Variants in CUL4A observed in about 807,000 individuals in gnomAD.
The protein encoded by CUL4A is cullin-4A.
In CUL4A, 16 loss-of-function variants were observed where a neutral mutation model predicts 95.5. That is an observed-to-expected ratio of 0.17 (90% CI 0.11 to 0.25). The LOEUF (loss-of-function observed/expected upper bound fraction) is 0.25. Among genes scored for constraint, CUL4A ranks in the 10% least tolerant of loss-of-function variants. CUL4A has a pLI of 1.00. For missense variants in CUL4A, 610 were observed against 937.0 expected (o/e 0.65, Z 4.56); for synonymous variants, 380 against 353.1 (o/e 1.08, Z -0.85).
chr13:113,259,936 T>A (rs1478760135), intron 18 of CUL4A, among the ~76,000 whole-genome samples: 1 of 151,918 alleles, frequency 6.6e-6, no homozygotes, highest in East Asian at 1.9e-4. Flanking sequence ...CCAGGCACGG[T>A]GGCTCACGCC....
intron 5 of CUL4A, among the ~76,000 whole-genome samples, chr13:113,230,619 T>A (rs1481589319): frequency 6.6e-6 from 1 of 152,196 alleles, no homozygotes; most frequent in African/African-American, 2.4e-5. Flanking sequence ...CAAGGGACTG[T>A]TTCCTACTAA....
At chr13:113,209,120 G>C (rs1209640714), upstream of CUL4A, among the ~76,000 whole-genome samples, 1 of 150,890 alleles carries the variant, frequency 6.6e-6, no homozygotes, top group Non-Finnish European at 1.5e-5. Context: ...GCCTGCAGGA[G>C]TTAGGGCACG....
chr13:113,255,827 A>G (rs1254321799), intron 18 of CUL4A, among the ~76,000 whole-genome samples: 1 of 152,124 alleles, frequency 6.6e-6, no homozygotes, highest in East Asian at 1.9e-4. Context: ...GTTGTTTCCA[A>G]GTTTTGGTGA....
At chr13:113,237,338 G>A (rs1369406784) in intron 9 of CUL4A, among the ~76,000 whole-genome samples, 2 of 152,198 alleles carry the variant, frequency 1.3e-5, no homozygotes, top group African/African-American at 2.4e-5. Flanking sequence ...ATGAACTACC[G>A]ACTAGGTGGT....
upstream of CUL4A, chr13:113,208,731 C>G: frequency 1.3e-6 from 2 of 1,490,636 alleles, no homozygotes; most frequent in Non-Finnish European, 1.8e-6. Flanking sequence ...CTGGCGCCCC[C>G]GGCCCCGCCG....
At chr13:113,229,572 G>C in intron 5 of CUL4A, 53 bp downstream of exon 5, 1 of 1,449,434 alleles carries the variant, frequency 6.9e-7, no homozygotes, top group South Asian at 1.2e-5. Flanking sequence ...GATGCTTTTC[G>C]TCCCGTTTGT....
At chr13:113,253,585 A>AT (rs1274840541) in intron 16 of CUL4A, among the ~76,000 whole-genome samples, 1 of 152,230 alleles carries the variant, frequency 6.6e-6, no homozygotes, top group African/African-American at 2.4e-5. Context: ...ATTAAAAAAA[A>AT]CAGACTCTTG....
At chr13:113,212,804 T>C (rs2040499308) in intron 2 of CUL4A, among the ~76,000 whole-genome samples, 1 of 152,020 alleles carries the variant, frequency 6.6e-6, no homozygotes, top group Non-Finnish European at 1.5e-5. Context: ...CAAAGAAAAG[T>C]CTAGAGTCAG....
intron 13 of CUL4A, 41 bp from the exon 14 acceptor site, chr13:113,245,111 G>A (rs771251859): frequency 1.4e-5 from 23 of 1,610,834 alleles, no homozygotes; most frequent in Admixed American, 6.7e-5. Flanking sequence ...TTGCTGCCCC[G>A]TGTGTTACCC....
At chr13:113,234,692 C>A (rs1312699034) in intron 7 of CUL4A, among the ~76,000 whole-genome samples, 2 of 152,156 alleles carry the variant, frequency 1.3e-5, no homozygotes, top group Non-Finnish European at 2.9e-5. Context: ...CTTTTGCTGA[C>A]CCAGCTGTGC....
intron 4 of CUL4A, among the ~76,000 whole-genome samples, chr13:113,228,987 G>C (rs1248597866): frequency 1.3e-5 from 2 of 151,962 alleles, no homozygotes. Flanking sequence ...AATTAACCGG[G>C]TGGGGTGGTG....
intron 9 of CUL4A, 32 bp downstream of exon 9, chr13:113,236,922 T>C: frequency 6.9e-7 from 1 of 1,457,348 alleles, no homozygotes; most frequent in East Asian, 2.3e-5. Flanking sequence ...CAAATTAAAC[T>C]GAACAATTAT....
upstream of CUL4A, among the ~76,000 whole-genome samples, chr13:113,209,108 G>C (rs1215144559): frequency 4.7e-5 from 7 of 150,508 alleles, no homozygotes; most frequent in East Asian, 2.0e-4. Context: ...GCGCGCTCCC[G>C]AGCCTGCAGG....
intron 18 of CUL4A, among the ~76,000 whole-genome samples, chr13:113,258,096 C>T (rs1371304934): frequency 1.3e-5 from 2 of 152,078 alleles, no homozygotes; most frequent in East Asian, 3.9e-4. Context: ...CAGCCTCAAC[C>T]TCTTGGGCTC....
At chr13:113,256,237 G>T (rs150855390) in intron 18 of CUL4A, among the ~76,000 whole-genome samples, 2 of 152,106 alleles carry the variant, frequency 1.3e-5, no homozygotes, top group Non-Finnish European at 2.9e-5. Flanking sequence ...GTTGCTGATC[G>T]CAGTCTTCTC....
Position 113,258,281 on chromosome 13 carries a change from G to A in CUL4A, c.2032-2326G>A, listed in dbSNP as rs117382021. 4.4e-3 allele frequency among the ~76,000 whole-genome samples: 672 copies of A among 152,210 alleles called. 11 individuals are homozygous for A. In the East Asian group the frequency reaches 0.075, roughly 17 times the overall value. On this transcript the variant is annotated intron_variant, in intron 18 of 19. Coordinates refer to ENST00000375440, the MANE Select transcript of CUL4A (RefSeq NM_001008895.4). ...GCTGGGATTACAGCCGTGAGCCACCGTGCCCGGCACCAGGTTCTTTTAATT... is the reference window on the plus strand; with the variant it reads ...GCTGGGATTACAGCCGTGAGCCACCATGCCCGGCACCAGGTTCTTTTAATT...
At chr13:113,245,331 G>A (rs2041828488) in intron 14 of CUL4A, 94 bp downstream of exon 14, 3 of 1,118,570 alleles carry the variant, frequency 2.7e-6, no homozygotes, top group Non-Finnish European at 2.7e-6. Context: ...GGAGGCAGAG[G>A]CAAGAGACGT....
At chr13:113,229,614 G>T in intron 5 of CUL4A, 95 bp downstream of exon 5, 3 of 984,260 alleles carry the variant, frequency 3.0e-6, no homozygotes, top group Non-Finnish European at 4.6e-6. Flanking sequence ...TAAAGTGTGT[G>T]TGATTACTTG....
Position 113,263,642 on chromosome 13 carries a change from A to G in CUL4A, c.*60A>G, listed in dbSNP as rs571521742. 1 of 1,079,668 alleles carries G rather than the reference A, an allele frequency of 9.3e-7. No homozygotes were observed. Among genetic ancestry groups the G allele is most frequent in the South Asian group, 1.5e-5 (1 of 66,064 alleles). 66.9% of individuals were successfully genotyped at this position (1,079,668 alleles called of 1,614,324 possible). The stretch of plus-strand genomic sequence containing the variant: ...AGAATGTACCCTCAGAGCAGGAAGC[A>G]CACCTGTGCCATTTCTGGGACTCTG... On this transcript the variant is annotated 3_prime_UTR_variant, in exon 20 of 20. Coordinates refer to ENST00000375440, the MANE Select transcript of CUL4A (RefSeq NM_001008895.4).
Sources: allele counts gnomAD v4.1 joint callset (sites outside exome capture counted in the v4.1 genomes callset), GRCh38; gene constraint gnomAD v4.1.1; transcripts MANE v1.5; gene names NCBI Gene and HGNC (gene_info 2026-07-23, HGNC 2026-07-21).